Variants in HRH2 observed in about 807,000 individuals in gnomAD.
The protein encoded by HRH2 is histamine H2 receptor.
In HRH2, 4 loss-of-function variants were observed where a neutral mutation model predicts 20.1. The ratio of observed to expected loss-of-function variants is 0.20; its 90% CI spans 0.10 to 0.45. The LOEUF is 0.45. Among genes scored for constraint, HRH2 ranks in the 20% least tolerant of loss-of-function variants. The pLI, the probability that HRH2 is intolerant of heterozygous loss-of-function variation, is 0.99. For synonymous variants in HRH2, 197 were observed against 200.7 expected (o/e 0.98, Z 0.16); for missense variants, 250 against 461.6 (o/e 0.54, Z 4.20).
Position 175,708,040 on chromosome 5 carries a change from C to T in HRH2, c.*69C>T, listed in dbSNP as rs1431475413. 2.5e-6 allele frequency: 1 copy of T among 398,818 alleles called. No individual in the cohort carries two copies. The highest frequency in any genetic ancestry group is 4.4e-6 in the Non-Finnish European group (1 of 226,164). 24.7% of individuals were successfully genotyped at this position (398,818 alleles called of 1,614,324 possible). On this transcript the variant is annotated 3_prime_UTR_variant, in exon 3 of 3. Transcript: ENST00000636584. Reference sequence around the variant, plus strand: ...ATGTGACTCCTGGAGCTCCTAAGGACCCAGTCTCCAAAGCCACCAAGGACT... The same window carrying T: ...ATGTGACTCCTGGAGCTCCTAAGGATCCAGTCTCCAAAGCCACCAAGGACT...
intron 2 of HRH2, among the ~76,000 whole-genome samples, chr5:175,702,774 T>C (rs539745803): frequency 1.3e-5 from 2 of 150,850 alleles, no homozygotes; most frequent in Non-Finnish European, 1.5e-5. Context: ...TTCACCATGT[T>C]AGCCAGGATG....
At position 175,684,248 on chromosome 5, in the gene HRH2, C is replaced by A; in HGVS notation, c.1015C>A (p.Pro339Thr). 1 of 1,614,190 alleles carries A rather than the reference C, an allele frequency of 6.2e-7. No homozygotes were observed. The highest frequency in any genetic ancestry group is 1.1e-5 in the South Asian group (1 of 91,086). Residue 339 changes from proline to threonine, a missense_variant, in exon 2 of 3, where the codon CCC (proline) becomes ACC (threonine). Transcript: ENST00000636584. Reference sequence around the variant, plus strand: ...AGAACCCAGGCAACAGGAAGAGAAACCCCTGAAGCTCCAGGTGTGGAGTGG... The same window carrying A: ...AGAACCCAGGCAACAGGAAGAGAAAACCCTGAAGCTCCAGGTGTGGAGTGG... ...SREPRQQEEK[P>T]LKLQVWSGTE...
intron 1 of HRH2, among the ~76,000 whole-genome samples, chr5:175,672,204 C>G (rs1485555849): frequency 6.6e-6 from 1 of 152,202 alleles, no homozygotes; most frequent in Non-Finnish European, 1.5e-5. Flanking sequence ...GACACAAACT[C>G]AGGATCCGGA....
intron 2 of HRH2, among the ~76,000 whole-genome samples, chr5:175,694,219 G>A (rs1365322723): frequency 6.6e-6 from 1 of 152,120 alleles, no homozygotes; most frequent in Non-Finnish European, 1.5e-5. Flanking sequence ...CCACTTCACA[G>A]ATGATGGAAA....
chr5:175,702,545 CTT>C (rs1163403100), intron 2 of HRH2, among the ~76,000 whole-genome samples: 31 of 86,084 alleles, frequency 3.6e-4, no homozygotes, highest in African/African-American at 5.0e-5. Flanking sequence ...AGTATACCAT[CTT>C]TTTTTTTTTT....
At chr5:175,695,820 G>A (rs979909209) in intron 2 of HRH2, among the ~76,000 whole-genome samples, 2 of 152,244 alleles carry the variant, frequency 1.3e-5, no homozygotes, top group East Asian at 1.9e-4. Flanking sequence ...GAGGGGAGAG[G>A]AGTCTTCGAA....
intron 2 of HRH2, among the ~76,000 whole-genome samples, chr5:175,701,942 G>T (rs1167756798): frequency 1.3e-5 from 2 of 152,194 alleles, no homozygotes; most frequent in Non-Finnish European, 2.9e-5. Flanking sequence ...CCGTGAAGGG[G>T]GTTGAAGAAG....
chr5:175,662,271 G>A (rs1029148055), intron 1 of HRH2, among the ~76,000 whole-genome samples: 6 of 152,164 alleles, frequency 3.9e-5, no homozygotes, highest in Non-Finnish European at 7.3e-5. Flanking sequence ...CTCAACTGGA[G>A]ACATTTTTGC....
intron 1 of HRH2, among the ~76,000 whole-genome samples, chr5:175,674,920 G>A (rs755856602): frequency 1.5e-4 from 23 of 152,304 alleles, no homozygotes; most frequent in Non-Finnish European, 2.8e-4. Context: ...TATCACAAGG[G>A]CGGAAGTGTC....
At chr5:175,695,730 G>A (rs911944571) in intron 2 of HRH2, among the ~76,000 whole-genome samples, 3 of 152,194 alleles carry the variant, frequency 2.0e-5, no homozygotes, top group African/African-American at 7.2e-5. Context: ...GTGCTGCGGG[G>A]GCAGCAAACT....
intron 2 of HRH2, among the ~76,000 whole-genome samples, chr5:175,694,033 TTG>T (rs1168913980): frequency 6.6e-6 from 1 of 152,136 alleles, no homozygotes; most frequent in Non-Finnish European, 1.5e-5. Flanking sequence ...TCTCAAACTC[TTG>T]TGTCTTCTTC....
intron 1 of HRH2, among the ~76,000 whole-genome samples, chr5:175,682,253 A>G (rs1317174030): frequency 6.6e-6 from 1 of 152,250 alleles, no homozygotes; most frequent in African/African-American, 2.4e-5. Flanking sequence ...TTTGCCAAAC[A>G]GCAGCACCAG....
At chr5:175,698,163 T>C (rs1200514086) in intron 2 of HRH2, among the ~76,000 whole-genome samples, 1 of 152,288 alleles carries the variant, frequency 6.6e-6, no homozygotes, top group Non-Finnish European at 1.5e-5. Flanking sequence ...GCTCACGTTA[T>C]GCACACATGC....
At chr5:175,669,244 A>T (rs1755426480) in intron 1 of HRH2, among the ~76,000 whole-genome samples, 2 of 152,094 alleles carry the variant, frequency 1.3e-5, no homozygotes, top group African/African-American at 4.8e-5. Context: ...CACTATTTTC[A>T]GCATTTTGCC....
At chr5:175,678,600 G>A (rs2113507968) in intron 1 of HRH2, among the ~76,000 whole-genome samples, 1 of 152,382 alleles carries the variant, frequency 6.6e-6, no homozygotes, top group East Asian at 1.9e-4. Flanking sequence ...GTTCTGTAGA[G>A]TAAGGATCAA....
At position 175,666,423 on chromosome 5, in the gene HRH2, G is replaced by A. The variant is rs1055379379; in HGVS notation, c.-526+8268G>A. 9.2e-5 allele frequency among the ~76,000 whole-genome samples: 14 copies of A among 152,174 alleles called. No individual in the cohort carries two copies. In the South Asian group the frequency reaches 1.5e-3, roughly 16 times the overall value. The stretch of plus-strand genomic sequence containing the variant: ...ATGTGACTCACCCTTGAACTCAGGC[G>A]CAGATTCCTTTTTTGGTTTTTGAGA... On this transcript the variant is annotated intron_variant, in intron 1 of 2. Transcript: ENST00000636584.
chr5:175,692,046 G>A (rs1756401514), intron 2 of HRH2, among the ~76,000 whole-genome samples: 3 of 152,112 alleles, frequency 2.0e-5, no homozygotes, highest in Non-Finnish European at 4.4e-5. Context: ...CTACACAACC[G>A]TATGGGGGCT....
intron 1 of HRH2, among the ~76,000 whole-genome samples, chr5:175,671,069 C>A (rs572086501): frequency 6.6e-6 from 1 of 152,324 alleles, no homozygotes; most frequent in East Asian, 1.9e-4. Flanking sequence ...TATAACCAGA[C>A]GTCTAATGTC....
chr5:175,695,165 G>T (rs1756529729), intron 2 of HRH2, among the ~76,000 whole-genome samples: 1 of 151,908 alleles, frequency 6.6e-6, no homozygotes, highest in Admixed American at 6.6e-5. Flanking sequence ...CCAGCACGTT[G>T]ACCCTCTCCC....
Sources: gnomAD v4.1 joint callset for allele counts (sites outside exome capture counted in the v4.1 genomes callset) on GRCh38, gnomAD v4.1.1 for gene constraint, MANE v1.5 for transcripts, NCBI Gene and HGNC (gene_info 2026-07-23, HGNC 2026-07-21) for gene names.